Variants in ABCA13 observed in about 807,000 individuals in gnomAD.
The protein encoded by ABCA13 is ATP binding cassette subfamily A member 13, also known as ATP-binding cassette sub-family A member 13.
A neutral mutation model predicts 478.7 loss-of-function variants in ABCA13; 476 were observed. The observed-to-expected ratio is 0.99, with a 90% CI of 0.92 to 1.07. ABCA13 has a LOEUF of 1.07. Among genes scored for constraint, ABCA13 ranks in the 50% least tolerant of loss-of-function variants. The pLI is 0.00. For synonymous variants in ABCA13, 2,252 were observed against 2,158.9 expected, an observed-to-expected ratio of 1.04 and a Z score of -1.20; for missense variants, 6,060 against 5,910.6, an observed-to-expected ratio of 1.03 and a Z score of -0.83.
intron 52 of ABCA13, 86 bp from the exon 53 acceptor site, chr7:48,519,955 C>T: frequency 1.5e-6 from 2 of 1,359,876 alleles, no homozygotes; most frequent in Non-Finnish European, 1.9e-6. Flanking sequence ...ACAGAGCTAA[C>T]CAAGGAGAAA....
At chr7:48,565,829 C>T (rs1787001032) in intron 55 of ABCA13, among the ~76,000 whole-genome samples, 1 of 152,102 alleles carries the variant, frequency 6.6e-6, no homozygotes, top group South Asian at 2.1e-4. Flanking sequence ...TCAGGGCCTT[C>T]TCCTAACAAA....
At chr7:48,210,138 C>T (rs545708155) in intron 3 of ABCA13, among the ~76,000 whole-genome samples, 8 of 152,162 alleles carry the variant, frequency 5.3e-5, no homozygotes, top group Admixed American at 1.3e-4. Flanking sequence ...AATTCTGCAC[C>T]GTTGGGGAGG....
intron 55 of ABCA13, among the ~76,000 whole-genome samples, chr7:48,532,591 T>C (rs183384398): frequency 1.1e-4 from 17 of 152,264 alleles, no homozygotes; most frequent in African/African-American, 4.1e-4. Flanking sequence ...CAATTCTTCT[T>C]TGAATGTCTG....
intron 40 of ABCA13, among the ~76,000 whole-genome samples, chr7:48,411,934 G>A (rs1035792894): frequency 1.3e-5 from 2 of 152,156 alleles, no homozygotes; most frequent in Non-Finnish European, 2.9e-5. Context: ...ATCCCCAGGT[G>A]GCTCCTTTCT....
chr7:48,476,484 G>A (rs748954769), intron 45 of ABCA13, among the ~76,000 whole-genome samples: 2 of 151,686 alleles, frequency 1.3e-5, no homozygotes, highest in Non-Finnish European at 2.9e-5. Flanking sequence ...GTTTTTTAAA[G>A]AAAGGGTTTG....
Position 48,524,251 on chromosome 7 carries a change from T to C in ABCA13, c.14055T>C (p.Gly4685=), listed in dbSNP as rs1368300495. ...LHWDLLRWPR[G]HSTLQGTVKS... ...CACTCTGATTTCATCTTCCCAGGGG[T>C]CATTCTACTCTCCAAGGCACAGTCA... is the stretch of plus-strand genomic sequence containing the variant. Residue 4685 remains glycine (G), a synonymous_variant, in exon 54 of 62, where the codon GGT becomes GGC. Coordinates refer to ENST00000435803, the MANE Select transcript of ABCA13 (RefSeq NM_152701.5). The C allele has an allele frequency of 6.2e-7, 1 of 1,610,260 alleles. No homozygotes were observed. The highest frequency in any genetic ancestry group is 1.3e-5 in the African/African-American group (1 of 74,910).
chr7:48,503,197 CCA>C (rs1830909090), intron 48 of ABCA13, among the ~76,000 whole-genome samples: 1 of 152,122 alleles, frequency 6.6e-6, no homozygotes, highest in South Asian at 2.1e-4. Flanking sequence ...AGCAGTCCTC[CCA>C]CCTCAGCCTT....
At chr7:48,188,202 C>T (rs545557365) in intron 1 of ABCA13, among the ~76,000 whole-genome samples, 44 of 152,282 alleles carry the variant, frequency 2.9e-4, no homozygotes, top group Non-Finnish European at 1.5e-4. Context: ...AGTTGGGCTC[C>T]GTGCTCTCCT....
chr7:48,278,814 T>C lies in ABCA13; in HGVS notation c.7620T>C (p.Phe2540=). The part of the protein sequence containing the change: ...KKVSGKMSTV[F]KTHFISNTKD... ...TTTCGGGGAAGATGTCCACAGTTTT[T>C]AAAACTCATTTTATCTCCAATACCA... is the stretch of plus-strand genomic sequence containing the variant. Residue 2540 remains phenylalanine, a synonymous_variant, in exon 18 of 62, where the codon TTT becomes TTC. Transcript: ENST00000435803. 1 of 1,613,894 alleles carries C rather than the reference T, an allele frequency of 6.2e-7. No homozygotes were observed. The highest frequency in any genetic ancestry group is 1.1e-5 in the South Asian group (1 of 91,084).
chr7:48,175,054 C>G (rs951968534), intron 1 of ABCA13, among the ~76,000 whole-genome samples: 1 of 152,188 alleles, frequency 6.6e-6, no homozygotes, highest in Non-Finnish European at 1.5e-5. Context: ...AGGTGGAGAT[C>G]AGTTGACAAT....
chr7:48,204,631 A>G (rs1784695479), intron 3 of ABCA13, among the ~76,000 whole-genome samples: 1 of 152,086 alleles, frequency 6.6e-6, no homozygotes, highest in African/African-American at 2.4e-5. Flanking sequence ...CTCCACAATG[A>G]TGAGTACTCC....
chr7:48,615,500 G>C, intron 59 of ABCA13, 123 bp downstream of exon 59: 2 of 809,788 alleles, frequency 2.5e-6, no homozygotes, highest in Admixed American at 4.8e-5. Context: ...TAAAATAGGA[G>C]ATGAAGGCTC....
At chr7:48,336,688 G>T (rs918467031) in intron 28 of ABCA13, among the ~76,000 whole-genome samples, 1 of 152,224 alleles carries the variant, frequency 6.6e-6, no homozygotes, top group Non-Finnish European at 1.5e-5. Flanking sequence ...GATTCAGAGT[G>T]CAGCAGTGGG....
At chr7:48,240,844 T>C in intron 9 of ABCA13, 23 bp from the exon 10 acceptor site, 2 of 1,483,538 alleles carry the variant, frequency 1.3e-6, no homozygotes, top group Non-Finnish European at 9.0e-7. Flanking sequence ...TTAATGCTAG[T>C]ATTTTGGTTT....
intron 42 of ABCA13, among the ~76,000 whole-genome samples, chr7:48,452,175 A>T (rs1563280330): frequency 6.6e-6 from 1 of 152,198 alleles, no homozygotes; most frequent in Non-Finnish European, 1.5e-5. Context: ...CTGTCTGATG[A>T]ACATTTACTA....
At chr7:48,330,782 T>C (rs866191319) in intron 27 of ABCA13, among the ~76,000 whole-genome samples, 1 of 131,754 alleles carries the variant, frequency 7.6e-6, no homozygotes, top group Non-Finnish European at 1.7e-5. Flanking sequence ...TCCATCCATC[T>C]ATACATTAAT....
chr7:48,549,083 C>A (rs1399828911), intron 55 of ABCA13, among the ~76,000 whole-genome samples: 1 of 151,730 alleles, frequency 6.6e-6, no homozygotes, highest in Non-Finnish European at 1.5e-5. Flanking sequence ...TTCCAGGATA[C>A]AAGTGCAGAA....
rs536324950 is a variant in ABCA13, at chr7:48,245,372, A to C, written c.1391-140A>C. On this transcript the variant is annotated intron_variant, in intron 11 of 61. Transcript: ENST00000435803. ...ATGACTCCTGTTTTCCTTTCTAAGG[A>C]AGAGAAGAAAATGTATAATAATAGG... 131 of 576,876 alleles carry C rather than the reference A, an allele frequency of 2.3e-4. 1 individual carries two copies. In the South Asian group the frequency reaches 2.8e-3, roughly 12 times the overall value. 35.7% of individuals were successfully genotyped at this position (576,876 alleles called of 1,614,324 possible). A position where few individuals can be genotyped will look rare whatever the true frequency, so the allele number is the denominator to read the frequency against.
Position 48,603,107 on chromosome 7 carries a change from T to G in ABCA13, c.14744+8294T>G, listed in dbSNP as rs1473588187. ...ATCCTGAGACTTTGCTTGAGTTGCC[T>G]CTCAGCTTTAGGAGATTTAGGGTTG... On this transcript the variant is annotated intron_variant, in intron 58 of 61. Coordinates refer to ENST00000435803, the MANE Select transcript of ABCA13 (RefSeq NM_152701.5). Among the ~76,000 whole-genome samples the G allele has an allele frequency of 2.6e-5, 4 of 152,190 alleles. No individual in the cohort carries two copies. In the East Asian group the frequency reaches 7.7e-4, roughly 29 times the overall value.
Sources: allele counts gnomAD v4.1 joint callset (sites outside exome capture counted in the v4.1 genomes callset), GRCh38; gene constraint gnomAD v4.1.1; transcripts MANE v1.5; gene names NCBI Gene and HGNC (gene_info 2026-07-23, HGNC 2026-07-21).